Variants in NOX4 observed in about 807,000 individuals in gnomAD.
NOX4 encodes the protein NADPH oxidase 4, also known as kidney oxidase-1.
In NOX4, 69 loss-of-function variants were observed where a neutral mutation model predicts 87.6. The observed-to-expected ratio is 0.79, with a 90% CI of 0.65 to 0.96. The LOEUF (loss-of-function observed/expected upper bound fraction) is 0.96. Among genes scored for constraint, NOX4 ranks in the 40% least tolerant of loss-of-function variants. The pLI, the probability that NOX4 is intolerant of heterozygous loss-of-function variation, is 0.00. For missense variants in NOX4, 680 were observed against 681.5 expected (o/e 1.00, Z 0.02); for synonymous variants, 275 against 238.2 (o/e 1.15, Z -1.42).
rs1941910457 is a variant in NOX4, at chr11:89,402,348, C to G, written c.824G>C (p.Arg275Thr). The change falls in exon 9 of 18, where the codon AGA becomes ACA. Residue 275 changes from arginine to threonine, a missense_variant. Coordinates refer to ENST00000263317, the MANE Select transcript of NOX4 (RefSeq NM_016931.5). Reference sequence around the variant, plus strand: ...GACCTGTGGAAAATTAGCTTGGAATCTGGGCTCTTCCATACAAATCTTCAC... The same window carrying G: ...GACCTGTGGAAAATTAGCTTGGAATGTGGGCTCTTCCATACAAATCTTCAC... ...KFVKICMEEPRFQANFPQTWL... is the reference protein window; with the variant it reads ...KFVKICMEEPTFQANFPQTWL... 1 of 1,612,846 alleles carries G rather than the reference C, an allele frequency of 6.2e-7. No individual in the cohort carries two copies. The highest frequency in any genetic ancestry group is 1.3e-5 in the African/African-American group (1 of 74,858).
the NOX4 span, among the ~76,000 whole-genome samples, chr11:89,582,635 T>C: frequency 8.5e-5 from 13 of 152,188 alleles, no homozygotes; most frequent in Non-Finnish European, 1.8e-4. Context: ...AAAGTCTTTG[T>C]GACATGTCTG....
At position 89,354,993 on chromosome 11, in the gene NOX4, G is replaced by A; in HGVS notation, c.1186C>T (p.Leu396=). 1.2e-6 allele frequency: 2 copies of A among 1,603,044 alleles called. No individual in the cohort carries two copies. The highest frequency in any genetic ancestry group is 2.2e-5 in the South Asian group (2 of 90,084). Residue 396 remains leucine, a synonymous_variant, in exon 13 of 18, where the codon CTG becomes TTG. Transcript: ENST00000263317. ...LPPSSQDSEI[L]PFIQSRNYPK... ...TAATTTCTAGATTGAATGAAGGGCAGAATTTCGGAGTCTTGACTAGATGGA... is the reference window on the plus strand; with the variant it reads ...TAATTTCTAGATTGAATGAAGGGCAAAATTTCGGAGTCTTGACTAGATGGA...
the NOX4 span, among the ~76,000 whole-genome samples, chr11:89,508,783 C>A: frequency 6.6e-6 from 1 of 152,034 alleles, no homozygotes; most frequent in Non-Finnish European, 1.5e-5. Context: ...CTATAATTAA[C>A]CCCATTTTGC....
chr11:89,557,241 T>G, the NOX4 span: 3 of 152,176 alleles, frequency 2.0e-5, no homozygotes, highest in African/African-American at 7.2e-5. Context: ...GCCTTGCTTA[T>G]GAGTTTTTGG....
the NOX4 span, among the ~76,000 whole-genome samples, chr11:89,565,666 T>G: frequency 6.6e-6 from 1 of 152,074 alleles, no homozygotes; most frequent in Admixed American, 6.6e-5. Flanking sequence ...GCATGGCACA[T>G]GTATACATAT....
chr11:89,346,755 A>C (rs1204657237), intron 13 of NOX4, among the ~76,000 whole-genome samples: 1 of 152,166 alleles, frequency 6.6e-6, no homozygotes, highest in East Asian at 1.9e-4. Flanking sequence ...AGGCTTGTTT[A>C]TTGCTTGCTC....
intron 13 of NOX4, among the ~76,000 whole-genome samples, chr11:89,350,220 T>G (rs1946398465): frequency 6.6e-6 from 1 of 152,192 alleles, no homozygotes; most frequent in Admixed American, 6.6e-5. Context: ...TTAATGAACA[T>G]TCTTGTATTT....
chr11:89,583,988 A>G, the NOX4 span, among the ~76,000 whole-genome samples: 4 of 152,194 alleles, frequency 2.6e-5, no homozygotes, highest in African/African-American at 9.6e-5. Context: ...GTTAAAATCA[A>G]TGATGCCTTT....
chr11:89,502,908 T>G (rs1947036973), upstream of NOX4, among the ~76,000 whole-genome samples: 1 of 152,004 alleles, frequency 6.6e-6, no homozygotes, highest in Non-Finnish European at 1.5e-5. Context: ...TTCAAACACT[T>G]CAAAAATGAA....
At chr11:89,419,840 T>A (rs975414643) in intron 8 of NOX4, among the ~76,000 whole-genome samples, 1 of 152,014 alleles carries the variant, frequency 6.6e-6, no homozygotes, top group Non-Finnish European at 1.5e-5. Flanking sequence ...TAACAAAAAA[T>A]TGACACTATT....
Position 89,342,083 on chromosome 11 carries a change from T to A in NOX4, c.1328A>T (p.Asn443Ile), listed in dbSNP as rs969447848. 4 of 1,612,578 alleles carry A rather than the reference T, an allele frequency of 2.5e-6. No individual in the cohort carries two copies. The South Asian group carries it at 4.4e-5, about 18-fold the overall frequency. Residue 443 changes from asparagine (N) to isoleucine (I), a missense_variant, in exon 14 of 18, where the codon AAC (asparagine) becomes ATC (isoleucine). Asn to Ile is a moderately radical substitution (Grantham distance 149). Coordinates refer to ENST00000263317, the MANE Select transcript of NOX4 (RefSeq NM_016931.5). ...GATCAAAATGACATACAACAGGGTG[T>A]TGAGTATTGATGCAAATGGAGTTAC... ...IGVTPFASIL[N>I]TLLDDWKPYK...
rs1565158726 is a variant in NOX4, at chr11:89,325,112, A to ACTTTTTTTTTTTTTTTTT, written c.*1643_*1644insAAAAAAAAAAAAAAAAAG. On this transcript the variant is annotated 3_prime_UTR_variant, in exon 18 of 18. Coordinates refer to ENST00000263317, the MANE Select transcript of NOX4 (RefSeq NM_016931.5). ...ATCACTAAACTGTATGAATGCTTTA[A>ACTTTTTTTTTTTTTTTTT]TTCTTTTTTTTTTTTTTTTTTTTTT... 1 of 71,244 alleles carries ACTTTTTTTTTTTTTTTTT rather than the reference A, an allele frequency of 1.4e-5. No homozygotes were observed. Among genetic ancestry groups the ACTTTTTTTTTTTTTTTTT allele is most frequent in the Non-Finnish European group, 3.1e-5 (1 of 32,280 alleles). 4.4% of individuals were successfully genotyped at this position (71,244 alleles called of 1,614,324 possible). A position where few individuals can be genotyped will look rare whatever the true frequency, so the allele number is the denominator to read the frequency against.
chr11:89,355,810 A>G (rs1412744715), intron 12 of NOX4, among the ~76,000 whole-genome samples: 2 of 152,126 alleles, frequency 1.3e-5, no homozygotes, highest in Non-Finnish European at 2.9e-5. Flanking sequence ...TCAGGGACAC[A>G]CCCTGCAGAA....
At chr11:89,528,578 A>T in the NOX4 span, among the ~76,000 whole-genome samples, 1 of 152,164 alleles carries the variant, frequency 6.6e-6, no homozygotes, top group Non-Finnish European at 1.5e-5. Context: ...GTGAGTTCTT[A>T]TGAGATCTGA....
intron 8 of NOX4, among the ~76,000 whole-genome samples, chr11:89,412,459 G>A (rs1426193610): frequency 6.6e-6 from 1 of 152,040 alleles, no homozygotes; most frequent in Non-Finnish European, 1.5e-5. Flanking sequence ...ATAATATCAA[G>A]CACCTTTCCT....
At chr11:89,422,547 G>A (rs535388743) in intron 7 of NOX4, among the ~76,000 whole-genome samples, 1 of 152,230 alleles carries the variant, frequency 6.6e-6, no homozygotes, top group East Asian at 1.9e-4. Flanking sequence ...TCTACAGAAT[G>A]TTTGAGAGAA....
At chr11:89,575,090 G>A in the NOX4 span, among the ~76,000 whole-genome samples, 10 of 152,104 alleles carry the variant, frequency 6.6e-5, 1 homozygote, top group Middle Eastern at 6.8e-3. Flanking sequence ...GGCTGAGGCA[G>A]GAGAATTGCT....
chr11:89,578,531 T>C, the NOX4 span, among the ~76,000 whole-genome samples: 2 of 152,270 alleles, frequency 1.3e-5, no homozygotes, highest in South Asian at 4.1e-4. Flanking sequence ...AACCCTAAAA[T>C]ATAGTCACTT....
chr11:89,382,735 G>A (rs1467871817), intron 11 of NOX4, among the ~76,000 whole-genome samples: 1 of 151,836 alleles, frequency 6.6e-6, no homozygotes, highest in African/African-American at 2.4e-5. Flanking sequence ...CACCTCCCCT[G>A]TTCACACCCA....
Sources: allele counts gnomAD v4.1 joint callset (sites outside exome capture counted in the v4.1 genomes callset), GRCh38; gene constraint gnomAD v4.1.1; transcripts MANE v1.5; gene names NCBI Gene and HGNC (gene_info 2026-07-23, HGNC 2026-07-21).